Variants in CDK5RAP2 observed in about 807,000 individuals in gnomAD.
CDK5RAP2 encodes the protein CDK5 regulatory subunit associated protein 2.
CDK5RAP2 carries 147 observed loss-of-function variants against 232.9 expected under a neutral mutation model. The ratio of observed to expected loss-of-function variants is 0.63; its 90% CI spans 0.55 to 0.72. The LOEUF (loss-of-function observed/expected upper bound fraction) is 0.72, where lower values mean the gene tolerates loss of function less well. Among genes scored for constraint, CDK5RAP2 ranks in the 30% least tolerant of loss-of-function variants. The probability of loss-of-function intolerance (pLI) is 0.00; values close to 1 mark genes in which losing one functional copy is unlikely to be tolerated. For missense variants in CDK5RAP2, 2,195 were observed against 2,231.5 expected, an observed-to-expected ratio of 0.98 and a Z score of 0.33; for synonymous variants, 833 against 833.7, an observed-to-expected ratio of 1.00 and a Z score of 0.01.
intron 35 of CDK5RAP2, among the ~76,000 whole-genome samples, chr9:120,399,260 G>C (rs2032783203): frequency 6.6e-6 from 1 of 152,134 alleles, no homozygotes; most frequent in South Asian, 2.1e-4. Flanking sequence ...CTATGTAACA[G>C]TTACTACAAT....
At chr9:120,516,059 A>G (rs1238764194) in intron 12 of CDK5RAP2, among the ~76,000 whole-genome samples, 1 of 152,216 alleles carries the variant, frequency 6.6e-6, no homozygotes. Context: ...ATAAAGACAC[A>G]TGCACACGTA....
intron 2 of CDK5RAP2, among the ~76,000 whole-genome samples, chr9:120,569,426 G>A: frequency 6.6e-6 from 1 of 152,222 alleles, no homozygotes; most frequent in Admixed American, 6.5e-5. Flanking sequence ...GAGGCATGGG[G>A]TGAGGACTGC....
intron 31 of CDK5RAP2, chr9:120,407,557 G>C (rs1644256677): frequency 2.5e-6 from 1 of 393,478 alleles, no homozygotes; most frequent in African/African-American, 2.0e-5. Flanking sequence ...TAGAATTATA[G>C]AATGAAAGGG....
intron 5 of CDK5RAP2, among the ~76,000 whole-genome samples, chr9:120,544,492 C>G (rs1247816332): frequency 1.3e-5 from 2 of 152,226 alleles, no homozygotes; most frequent in Non-Finnish European, 1.5e-5. Context: ...GAAGCCTGGG[C>G]CTGGCATCCT....
chr9:120,468,079 T>G (rs1297060712), intron 17 of CDK5RAP2, 82 bp from the exon 18 acceptor site: 1 of 1,381,428 alleles, frequency 7.2e-7, no homozygotes, highest in Non-Finnish European at 1.0e-6. Flanking sequence ...GACAGCCCTA[T>G]CAAGCGACTC....
At chr9:120,446,815 G>C (rs543621651) in intron 22 of CDK5RAP2, among the ~76,000 whole-genome samples, 1 of 151,958 alleles carries the variant, frequency 6.6e-6, no homozygotes, top group Non-Finnish European at 1.5e-5. Flanking sequence ...CATTTCCCCT[G>C]TCTCCCTTCA....
At chr9:120,432,020 T>C (rs2035312177) in intron 25 of CDK5RAP2, among the ~76,000 whole-genome samples, 1 of 152,236 alleles carries the variant, frequency 6.6e-6, no homozygotes, top group Non-Finnish European at 1.5e-5. Context: ...AGTCCCCTTA[T>C]AAGCATTAAG....
intron 11 of CDK5RAP2, among the ~76,000 whole-genome samples, chr9:120,520,834 A>T (rs2040609298): frequency 1.3e-5 from 2 of 151,436 alleles, no homozygotes; most frequent in South Asian, 4.2e-4. Flanking sequence ...ATCTCATATG[A>T]GCTGTATCTC....
chr9:120,560,976 T>C (rs868410011), intron 3 of CDK5RAP2, among the ~76,000 whole-genome samples: 1 of 151,676 alleles, frequency 6.6e-6, no homozygotes, highest in Non-Finnish European at 1.5e-5. Context: ...AAGCCTTTTT[T>C]AAAAAGGAAA....
chr9:120,477,287 G>A, intron 15 of CDK5RAP2, 63 bp downstream of exon 15: 1 of 1,152,252 alleles, frequency 8.7e-7, no homozygotes, highest in Non-Finnish European at 1.3e-6. Context: ...GTGTGTGCGT[G>A]TATGCGCGTG....
intron 3 of CDK5RAP2, among the ~76,000 whole-genome samples, chr9:120,555,494 G>A (rs919114664): frequency 6.6e-6 from 1 of 151,966 alleles, no homozygotes; most frequent in African/African-American, 2.4e-5. Context: ...GAGAGGACTG[G>A]GCCTCCCAAA....
At chr9:120,424,769 G>A (rs146074390) in intron 25 of CDK5RAP2, among the ~76,000 whole-genome samples, 130 of 148,200 alleles carry the variant, frequency 8.8e-4, no homozygotes, top group South Asian at 4.5e-3. Context: ...ACACGATCTC[G>A]ACTTACTGCA....
At chr9:120,394,383 A>C (rs2032273124) in intron 36 of CDK5RAP2, 129 bp downstream of exon 36, 2 of 1,440,648 alleles carry the variant, frequency 1.4e-6, no homozygotes, top group African/African-American at 2.8e-5. Flanking sequence ...GGAGTATGAA[A>C]AGAAGCCCAC....
At chr9:120,526,543 A>G (rs1482004840) in intron 10 of CDK5RAP2, among the ~76,000 whole-genome samples, 2 of 152,004 alleles carry the variant, frequency 1.3e-5, no homozygotes, top group Admixed American at 6.5e-5. Flanking sequence ...TGCTGTGCCC[A>G]CTGCTCTAAT....
At chr9:120,545,953 G>T (rs928805553) in intron 4 of CDK5RAP2, among the ~76,000 whole-genome samples, 163 bp from the exon 5 acceptor site, 2 of 152,184 alleles carry the variant, frequency 1.3e-5, no homozygotes, top group African/African-American at 2.4e-5. Context: ...ACAGGGAAAA[G>T]GGAATTATTA....
intron 12 of CDK5RAP2, among the ~76,000 whole-genome samples, chr9:120,498,829 T>A (rs1283572548): frequency 1.3e-5 from 2 of 151,758 alleles, no homozygotes; most frequent in Non-Finnish European, 2.9e-5. Flanking sequence ...GACACCAGCC[T>A]GGGCAACATG....
chr9:120,547,184 T>C lies in CDK5RAP2; in HGVS notation c.307-1394A>G, dbSNP rs977584781. Among the ~76,000 whole-genome samples the C allele has an allele frequency of 5.9e-5, 9 of 151,792 alleles. 1 individual carries two copies. The highest frequency in any genetic ancestry group is 2.6e-4 in the Admixed American group (4 of 15,246). Reference sequence around the variant, plus strand: ...TTTGTATTTTTAGTTGAGACGGGGTTTCGCCACGTTGGCCAGGCTGGTCTT... The same window carrying C: ...TTTGTATTTTTAGTTGAGACGGGGTCTCGCCACGTTGGCCAGGCTGGTCTT... On this transcript the variant is annotated intron_variant, in intron 4 of 37. Coordinates refer to ENST00000349780, the MANE Select transcript of CDK5RAP2 (RefSeq NM_018249.6).
At position 120,411,502 on chromosome 9, in the gene CDK5RAP2, T is replaced by A. The variant is rs1177216518; in HGVS notation, c.4298-28A>T. The A allele has an allele frequency of 3.3e-6, 4 of 1,221,792 alleles. No individual in the cohort carries two copies. The South Asian group carries it at 4.8e-5, about 15-fold the overall frequency. The allele number at this position is 1,221,792 out of a possible 1,614,324, so 75.7% of individuals were successfully genotyped here. On this transcript the variant is annotated intron_variant, in intron 28 of 37. Transcript: ENST00000349780. ...ATAAAAACACACATAAAAACTGATT[T>A]ATAAACAGTCTCCAGATCAGTATAG...
At chr9:120,515,004 T>C (rs2040264593) in intron 12 of CDK5RAP2, among the ~76,000 whole-genome samples, 2 of 152,024 alleles carry the variant, frequency 1.3e-5, no homozygotes, top group South Asian at 4.1e-4. Context: ...TTCAAATGAT[T>C]ACAAAGACTA....
Sources: gnomAD v4.1 joint callset for allele counts (sites outside exome capture counted in the v4.1 genomes callset) on GRCh38, gnomAD v4.1.1 for gene constraint, MANE v1.5 for transcripts, NCBI Gene and HGNC (gene_info 2026-07-23, HGNC 2026-07-21) for gene names.